Variants in TXLNB observed in about 807,000 individuals in gnomAD.
TXLNB encodes the protein taxilin beta.
TXLNB carries 37 observed loss-of-function variants against 57.4 expected under a neutral mutation model. The observed-to-expected ratio is 0.64, with a 90% CI of 0.50 to 0.85. TXLNB has a LOEUF of 0.85. Ranked by LOEUF, TXLNB falls within the 40% of genes least tolerant of loss-of-function variation. The pLI is 0.00. For synonymous variants in TXLNB, 302 were observed against 309.6 expected, an observed-to-expected ratio of 0.98 and a Z score of 0.26; for missense variants, 848 against 825.6, an observed-to-expected ratio of 1.03 and a Z score of -0.33.
chr6:139,298,842 G>A, the TXLNB span, among the ~76,000 whole-genome samples: 2 of 152,212 alleles, frequency 1.3e-5, no homozygotes, highest in African/African-American at 4.8e-5. Flanking sequence ...CTAGGTGCGA[G>A]TCTCTTGGAA....
intron 3 of TXLNB, 72 bp from the exon 4 acceptor site, chr6:139,270,698 A>T (rs928710479): frequency 2.2e-6 from 3 of 1,345,848 alleles, no homozygotes; most frequent in Non-Finnish European, 3.1e-6. Context: ...AAAAAAGCAA[A>T]CCTAAAGATT....
At chr6:139,237,743 C>T (rs1455113388), downstream of TXLNB, among the ~76,000 whole-genome samples, 1 of 151,530 alleles carries the variant, frequency 6.6e-6, no homozygotes, top group African/African-American at 2.4e-5. Flanking sequence ...GAGTTTTACA[C>T]GTCGGTATGT....
chr6:139,187,488 C>T, the TXLNB span, among the ~76,000 whole-genome samples: 1 of 152,046 alleles, frequency 6.6e-6, no homozygotes, highest in Non-Finnish European at 1.5e-5. Context: ...CTCATCTGCT[C>T]AAAGCATCCT....
downstream of TXLNB, chr6:139,238,936 C>T (rs1582982917): frequency 5.3e-5 from 8 of 152,328 alleles, no homozygotes; most frequent in South Asian, 1.7e-3. Context: ...CCATCTGCCT[C>T]TCCTGTTTCT....
chr6:139,202,676 A>G, the TXLNB span, among the ~76,000 whole-genome samples: 3 of 152,242 alleles, frequency 2.0e-5, no homozygotes, highest in South Asian at 2.1e-4. Context: ...TAGCATATCC[A>G]TCACCTCCAA....
At chr6:139,172,719 C>G in the TXLNB span, among the ~76,000 whole-genome samples, 1 of 152,082 alleles carries the variant, frequency 6.6e-6, no homozygotes, top group Non-Finnish European at 1.5e-5. Context: ...GTTACGGATC[C>G]GAGAGACATG....
chr6:139,209,179 C>T, the TXLNB span, among the ~76,000 whole-genome samples: 3 of 152,058 alleles, frequency 2.0e-5, no homozygotes, highest in African/African-American at 7.2e-5. Context: ...AAGAACTCAA[C>T]CTCTTTTACA....
At chr6:139,193,812 C>A in the TXLNB span, among the ~76,000 whole-genome samples, 1 of 127,988 alleles carries the variant, frequency 7.8e-6, no homozygotes, top group Non-Finnish European at 1.7e-5. Flanking sequence ...CACCACCATG[C>A]CTGGCTAATT....
At chr6:139,268,614 C>A (rs1461106079) in intron 4 of TXLNB, among the ~76,000 whole-genome samples, 3 of 152,160 alleles carry the variant, frequency 2.0e-5, no homozygotes, top group Non-Finnish European at 4.4e-5. Flanking sequence ...TATGCTTGAT[C>A]TTGGACAACC....
the TXLNB span, among the ~76,000 whole-genome samples, chr6:139,205,478 A>G: frequency 6.6e-6 from 1 of 152,152 alleles, no homozygotes; most frequent in African/African-American, 2.4e-5. Flanking sequence ...TATCATAGAG[A>G]AAAAAACATT....
At chr6:139,213,583 C>T in the TXLNB span, among the ~76,000 whole-genome samples, 1 of 152,062 alleles carries the variant, frequency 6.6e-6, no homozygotes, top group Non-Finnish European at 1.5e-5. Flanking sequence ...GAAGCAAGAG[C>T]AAACACATTC....
intron 8 of TXLNB, among the ~76,000 whole-genome samples, chr6:139,246,839 G>A (rs959062565): frequency 6.6e-6 from 1 of 151,662 alleles, no homozygotes; most frequent in Non-Finnish European, 1.5e-5. Flanking sequence ...GCTTGAACCC[G>A]GAAGGCAGAG....
the TXLNB span, among the ~76,000 whole-genome samples, chr6:139,198,999 C>T: frequency 6.6e-6 from 1 of 151,028 alleles, no homozygotes; most frequent in Non-Finnish European, 1.5e-5. Context: ...TCATCCAGCC[C>T]AAAATGTCAA....
intron 3 of TXLNB, among the ~76,000 whole-genome samples, chr6:139,276,413 A>G (rs1308287491): frequency 6.6e-6 from 1 of 152,234 alleles, no homozygotes; most frequent in East Asian, 1.9e-4. Flanking sequence ...TTTTCTCAAC[A>G]TGACACCAAC....
At chr6:139,203,345 T>C in the TXLNB span, among the ~76,000 whole-genome samples, 2 of 152,206 alleles carry the variant, frequency 1.3e-5, no homozygotes, top group African/African-American at 2.4e-5. Flanking sequence ...GGATTTTCTC[T>C]CATTAGTGCT....
At chr6:139,169,226 A>G in the TXLNB span, among the ~76,000 whole-genome samples, 1 of 151,980 alleles carries the variant, frequency 6.6e-6, no homozygotes, top group Admixed American at 6.6e-5. Context: ...TAGACCCCTT[A>G]GATTATTTTT....
At chr6:139,174,311 A>G in the TXLNB span, 1 of 1,496,278 alleles carries the variant, frequency 6.7e-7, no homozygotes, top group South Asian at 1.3e-5. Context: ...GGTAGATGAA[A>G]CATTTTTATC....
chr6:139,266,336 G>A (rs1259245514), intron 4 of TXLNB, among the ~76,000 whole-genome samples: 1 of 152,146 alleles, frequency 6.6e-6, no homozygotes, highest in Non-Finnish European at 1.5e-5. Context: ...GGTCAATGAT[G>A]TAAAGGAAAA....
At chr6:139,268,165 A>G (rs1225372304) in intron 4 of TXLNB, among the ~76,000 whole-genome samples, 2 of 151,664 alleles carry the variant, frequency 1.3e-5, no homozygotes, top group Admixed American at 6.6e-5. Flanking sequence ...AAAAAAAAAA[A>G]AAAAAAAGAT....
Sources: gnomAD v4.1 joint callset for allele counts (sites outside exome capture counted in the v4.1 genomes callset) on GRCh38, gnomAD v4.1.1 for gene constraint, MANE v1.5 for transcripts, NCBI Gene and HGNC (gene_info 2026-07-23, HGNC 2026-07-21) for gene names.